The following TIMP1 variants were observed in gnomAD, a reference collection of about 807,000 sequenced individuals.
TIMP1 encodes TIMP metallopeptidase inhibitor 1.
A neutral mutation model predicts 13.7 loss-of-function variants in TIMP1; 5 were observed. That is an observed-to-expected ratio of 0.36 (90% confidence interval 0.19 to 0.76). TIMP1 has a LOEUF of 0.76. Ranked by LOEUF, TIMP1 falls within the 30% of genes least tolerant of loss-of-function variation. The probability of loss-of-function intolerance (pLI) is 0.51; values close to 1 mark genes in which losing one functional copy is unlikely to be tolerated. For synonymous variants in TIMP1, 63 were observed against 67.1 expected (o/e 0.94, Z 0.30); for missense variants, 131 against 168.4 (o/e 0.78, Z 1.23).
chrX:47,583,017 TA>T (rs752868020), intron 1 of TIMP1, among the ~76,000 whole-genome samples: 33 of 88,891 alleles, frequency 3.7e-4, no homozygotes, highest in African/African-American at 1.4e-3. Flanking sequence ...TTATATCTCT[TA>T]ATATACACAA....
At chrX:47,584,851 C>A in intron 2 of TIMP1, 85 bp from the exon 3 acceptor site, 1 of 841,049 alleles carries the variant, frequency 1.2e-6, no homozygotes, top group Non-Finnish European at 1.7e-6. Context: ...ATGCGCTTTG[C>A]TGGTATGATG....
intron 4 of TIMP1, 65 bp downstream of exon 4, chrX:47,585,396 C>T (rs760887807): frequency 8.3e-7 from 1 of 1,201,040 alleles, no homozygotes. Context: ...CTAGCAACCA[C>T]GAGGGGGCGA....
In TIMP1 at chrX:47,583,678, C is replaced by T. The variant is rs111586479; in HGVS notation, c.121+142C>T. 1,232 of 689,608 alleles carry T rather than the reference C, an allele frequency of 1.8e-3. 12 individuals carry two copies. In the African/African-American group the frequency reaches 0.021, roughly 12 times the overall value. 56.8% of individuals were successfully genotyped at this position (689,608 alleles called of 1,213,427 possible). The stretch of plus-strand genomic sequence containing the variant: ...CTTTAGCCACACTGGCATCCTCACA[C>T]TTCCTTGAGTACTCTGTGCCCAAGC... On this transcript the variant is annotated intron_variant, in intron 2 of 5. Coordinates refer to ENST00000218388, the MANE Select transcript of TIMP1 (RefSeq NM_003254.3).
Position 47,585,227 on chromosome X carries a change from TA to T in TIMP1, c.225del (p.Asp77MetfsTer55). 1 of 1,198,897 alleles carries T rather than the reference TA, an allele frequency of 8.3e-7. No individual in the cohort carries two copies. Among genetic ancestry groups the T allele is most frequent in the Non-Finnish European group, 1.1e-6 (1 of 887,901 alleles). On this transcript the variant is annotated frameshift_variant, in exon 4 of 6. Transcript: ENST00000218388. LOFTEE classifies it high-confidence loss of function. ...CAGATGTATAAAGGGTTCCAAGCCTTAGGGGATGCCGCTGACATCCGGTTCG... is the reference window on the plus strand; with the variant it reads ...CAGATGTATAAAGGGTTCCAAGCCTTGGGGATGCCGCTGACATCCGGTTCG... ...MTKMYKGFQA[L>X]GDAADIRFVY...
At chrX:47,583,799 G>A (rs866299076) in intron 2 of TIMP1, among the ~76,000 whole-genome samples, 98 of 111,753 alleles carry the variant, frequency 8.8e-4, no homozygotes, top group African/African-American at 2.9e-3. Context: ...CACCTTCTCA[G>A]GATGGCCTTC....
Position 47,585,289 on chromosome X carries a change from T to A in TIMP1, c.286T>A (p.Phe96Ile), listed in dbSNP as rs1360628820. 8.3e-7 allele frequency: 1 copy of A among 1,211,735 alleles called. No homozygotes were observed. The highest frequency in any genetic ancestry group is 1.8e-5 in the South Asian group (1 of 56,943). The change falls in exon 4 of 6, where the codon TTC (phenylalanine) becomes ATC (isoleucine). Residue 96 changes from phenylalanine to isoleucine, a missense_variant. Coordinates refer to ENST00000218388, the MANE Select transcript of TIMP1 (RefSeq NM_003254.3). ...CGCCATGGAGAGTGTCTGCGGATAC[T>A]TCCACAGGTCCCACAACCGCAGCGA... Reference protein sequence around the residue: ...TPAMESVCGYFHRSHNRSEEF... With the variant: ...TPAMESVCGYIHRSHNRSEEF...
chrX:47,582,813 C>T (rs1237020554), intron 1 of TIMP1, among the ~76,000 whole-genome samples: 1 of 99,518 alleles, frequency 1.0e-5, no homozygotes, highest in East Asian at 3.3e-4. Flanking sequence ...ACCCCTGCAG[C>T]TCCCTAAACT....
At position 47,585,028 on chromosome X, in the gene TIMP1, C is replaced by T. The variant is rs746721695; in HGVS notation, c.201+13C>T. On this transcript the variant is annotated intron_variant, in intron 3 of 5. Transcript: ENST00000218388. ...CAAGATGACCAAGGTATCCCCTGCCCCCGCCTCTTTCCCAGCATTTTCTAA... is the reference window on the plus strand; with the variant it reads ...CAAGATGACCAAGGTATCCCCTGCCTCCGCCTCTTTCCCAGCATTTTCTAA... 4.2e-5 allele frequency: 50 copies of T among 1,204,645 alleles called. No individual in the cohort carries two copies. In the South Asian group the frequency reaches 8.9e-4, roughly 21 times the overall value.
Position 47,585,383 on chromosome X carries a change from G to A in TIMP1, c.328+52G>A, listed in dbSNP as rs753245057. 41 of 1,204,585 alleles carry A rather than the reference G, an allele frequency of 3.4e-5. No homozygotes were observed. The South Asian group carries it at 6.6e-4, about 19-fold the overall frequency. On this transcript the variant is annotated intron_variant, in intron 4 of 5. Coordinates refer to ENST00000218388, the MANE Select transcript of TIMP1 (RefSeq NM_003254.3). ...CCACACCAACCAGTCCCTGGGGCGC[G>A]GCCTAGCAACCACGAGGGGGCGAGG...
At chrX:47,582,701 C>G in intron 1 of TIMP1, 1 of 245,554 alleles carries the variant, frequency 4.1e-6, no homozygotes, top group Non-Finnish European at 8.1e-6. Flanking sequence ...CCCCAATTCC[C>G]CCAAACCCAT....
At chrX:47,583,859 TCTC>T (rs1304357168) in intron 2 of TIMP1, among the ~76,000 whole-genome samples, 1 of 111,684 alleles carries the variant, frequency 9.0e-6, no homozygotes, top group African/African-American at 3.3e-5. Context: ...GTACTCCTGA[TCTC>T]CTGTTAAACA....
chrX:47,586,407 G>C (rs1306342886), intron 5 of TIMP1, 114 bp from the exon 6 acceptor site: 2 of 1,112,691 alleles, frequency 1.8e-6, no homozygotes, highest in South Asian at 4.3e-5. Flanking sequence ...GTACTTAGGT[G>C]GGGTGAGAGC....
chrX:47,584,357 C>G (rs1256328416), intron 2 of TIMP1, among the ~76,000 whole-genome samples: 6 of 110,679 alleles, frequency 5.4e-5, no homozygotes, highest in African/African-American at 9.9e-5. Context: ...TGAGGATGAT[C>G]AGATATAGAA....
chrX:47,584,984 T>C lies in TIMP1; in HGVS notation c.170T>C (p.Leu57Ser), dbSNP rs2057816792. The change falls in exon 3 of 6, where the codon TTA becomes TCA. Residue 57 changes from leucine (L) to serine (S), a missense_variant. Transcript: ENST00000218388. Reference sequence around the variant, plus strand: ...ACACCAGAAGTCAACCAGACCACCTTATACCAGCGTTATGAGATCAAGATG... The same window carrying C: ...ACACCAGAAGTCAACCAGACCACCTCATACCAGCGTTATGAGATCAAGATG... Reference protein sequence around the residue: ...VGTPEVNQTTLYQRYEIKMTK... With the variant: ...VGTPEVNQTTSYQRYEIKMTK... The C allele has an allele frequency of 2.5e-6, 3 of 1,211,273 alleles. No individual in the cohort carries two copies. Among genetic ancestry groups the C allele is most frequent in the Non-Finnish European group, 3.4e-6 (3 of 895,394 alleles).
intron 2 of TIMP1, among the ~76,000 whole-genome samples, chrX:47,583,835 A>G (rs957885376): frequency 9.0e-6 from 1 of 110,545 alleles, no homozygotes; most frequent in African/African-American, 3.3e-5. Context: ...TAAAATTTTA[A>G]CCCCTGCCCC....
rs1265420217 is a variant in TIMP1 at position 47,586,644 on chromosome X, G to A, written c.577G>A (p.Glu193Lys). 8.3e-7 allele frequency: 1 copy of A among 1,211,444 alleles called. No individual in the cohort carries two copies. Among genetic ancestry groups the A allele is most frequent in the Admixed American group, 2.2e-5 (1 of 46,106 alleles). The change falls in exon 6 of 6, where the codon GAG (glutamate) becomes AAG (lysine). Residue 193 changes from glutamate to lysine, a missense_variant. Coordinates refer to ENST00000218388, the MANE Select transcript of TIMP1 (RefSeq NM_003254.3). ...CCGTCACCTTGCCTGCCTGCCTCGG[G>A]AGCCAGGGCTGTGCACCTGGCAGTC... Reference protein sequence around the residue: ...QSRHLACLPREPGLCTWQSLR... With the variant: ...QSRHLACLPRKPGLCTWQSLR...
chrX:47,585,521 C>T (rs2057820586), intron 4 of TIMP1, 22 bp from the exon 5 acceptor site: 2 of 1,198,204 alleles, frequency 1.7e-6, no homozygotes, highest in South Asian at 3.6e-5. Flanking sequence ...CTTGTCGGTC[C>T]CCGCCCCGCC....
Position 47,586,098 on chromosome X carries a change from A to T in TIMP1, c.454-423A>T, listed in dbSNP as rs758111216. ...CCAGACACCAGAGGGTGTTACACTGACCTCCTGGCTAGTCCAAGCCTGTTC... is the reference window on the plus strand; with the variant it reads ...CCAGACACCAGAGGGTGTTACACTGTCCTCCTGGCTAGTCCAAGCCTGTTC... On this transcript the variant is annotated intron_variant, in intron 5 of 5. Coordinates refer to ENST00000218388, the MANE Select transcript of TIMP1 (RefSeq NM_003254.3). 1.6e-5 allele frequency: 15 copies of T among 938,824 alleles called. No individual in the cohort carries two copies. The East Asian group carries it at 9.1e-4, about 57-fold the overall frequency. The allele number at this position is 938,824 out of a possible 1,213,427, so 77.4% of individuals were successfully genotyped here.
In TIMP1 at chrX:47,586,680, C is replaced by A; in HGVS notation, c.613C>A (p.Gln205Lys). ...GLCTWQSLRS[Q>K]IA Reference sequence around the variant, plus strand: ...GTGCACCTGGCAGTCCCTGCGGTCCCAGATAGCCTGAATCCTGCCCGGAGT... The same window carrying A: ...GTGCACCTGGCAGTCCCTGCGGTCCAAGATAGCCTGAATCCTGCCCGGAGT... The change falls in exon 6 of 6, where the codon CAG becomes AAG. Residue 205 changes from glutamine (Q) to lysine (K), a missense_variant. Gln to Lys is a moderately conservative substitution (Grantham distance 53). Coordinates refer to ENST00000218388, the MANE Select transcript of TIMP1 (RefSeq NM_003254.3). The A allele has an allele frequency of 8.3e-7, 1 of 1,209,302 alleles. No homozygotes were observed.
Sources: allele counts gnomAD v4.1 joint callset (sites outside exome capture counted in the v4.1 genomes callset), GRCh38; gene constraint gnomAD v4.1.1; transcripts MANE v1.5; gene names NCBI Gene and HGNC (gene_info 2026-07-23, HGNC 2026-07-21).